Variants in PCDHAC2 observed in about 807,000 individuals in gnomAD.
PCDHAC2 encodes protocadherin alpha subfamily C, 2.
In PCDHAC2, 24 loss-of-function variants were observed where a neutral mutation model predicts 63.3. The observed-to-expected ratio is 0.38, with a 90% confidence interval of 0.27 to 0.53. The LOEUF is 0.53. Among genes scored for constraint, PCDHAC2 ranks in the 20% least tolerant of loss-of-function variants. PCDHAC2 has a pLI of 0.81. For synonymous variants in PCDHAC2, 569 were observed against 529.4 expected (o/e 1.07, Z -1.03); for missense variants, 1,181 against 1,275.2 (o/e 0.93, Z 1.12).
In PCDHAC2 at chr5:141,011,632, C is replaced by T. The variant is rs1333162247; in HGVS notation, c.*1695C>T. Reference sequence around the variant, plus strand: ...TTTATGGTCCAGCCAAGAGCCATCTCGTGCCAAGACTTCTGCTGGCAAGGG... The same window carrying T: ...TTTATGGTCCAGCCAAGAGCCATCTTGTGCCAAGACTTCTGCTGGCAAGGG... On this transcript the variant is annotated 3_prime_UTR_variant, in exon 4 of 4. Transcript: ENST00000289269. The T allele has an allele frequency of 1.3e-5, 2 of 153,656 alleles. No homozygotes were observed. The highest frequency in any genetic ancestry group is 4.8e-5 in the African/African-American group (2 of 41,412). 9.5% of individuals were successfully genotyped at this position (153,656 alleles called of 1,614,324 possible).
chr5:140,985,813 CA>C lies in PCDHAC2; in HGVS notation c.2713+3251del, dbSNP rs527803363. 8.2e-5 allele frequency among the ~76,000 whole-genome samples: 12 copies of C among 146,604 alleles called. No homozygotes were observed. In the East Asian group the frequency reaches 2.3e-3, roughly 28 times the overall value. ...GGAGTGCAGTGGCACGATCTCAGCT[CA>C]CAACAAGCTCTGCCTCCCGGGTTCA... On this transcript the variant is annotated intron_variant, in intron 3 of 3. Transcript: ENST00000289269.
At chr5:140,972,001 A>G (rs2096512667) in intron 1 of PCDHAC2, among the ~76,000 whole-genome samples, 1 of 152,202 alleles carries the variant, frequency 6.6e-6, no homozygotes, top group African/African-American at 2.4e-5. Context: ...CAATGTTTAT[A>G]TTCCCTTTTA....
At chr5:141,002,757 A>G (rs1234528731) in intron 3 of PCDHAC2, among the ~76,000 whole-genome samples, 1 of 152,224 alleles carries the variant, frequency 6.6e-6, no homozygotes, top group African/African-American at 2.4e-5. Context: ...CAACCCTGTG[A>G]TGTAGACAGG....
rs562721543 is a variant in PCDHAC2, at chr5:140,968,426, A to G, written c.1660A>G (p.Lys554Glu). ...CTTTGTGACTGTGGAGGCTCAGGAC[A>G]AGGGGAGCCCACCACTGAGCAGCAC... ...EFFVTVEAQD[K>E]GSPPLSSTVT... The change falls in exon 1 of 4, where the codon AAG becomes GAG. Residue 554 changes from lysine to glutamate, a missense_variant. By Grantham distance (56) the Lys-to-Glu change is moderately conservative (BLOSUM62 1). This residue lies in a region of PCDHAC2 where 968 missense variants were observed against 1,073.5 expected (regional missense o/e 0.90). Transcript: ENST00000289269. 135 of 1,614,020 alleles carry G rather than the reference A, an allele frequency of 8.4e-5. 2 individuals carry two copies. In the South Asian group the frequency reaches 1.4e-3, roughly 16 times the overall value.
intron 3 of PCDHAC2, among the ~76,000 whole-genome samples, chr5:140,982,824 GGTTT>G (rs74513655): frequency 0.037 from 5,640 of 152,044 alleles, 162 homozygotes; most frequent in Non-Finnish European, 0.055. Flanking sequence ...AAGTTTTTGG[GGTTT>G]GTTTGTTTGT....
chr5:140,980,091 T>A (rs2096876102), intron 2 of PCDHAC2, among the ~76,000 whole-genome samples: 1 of 152,218 alleles, frequency 6.6e-6, no homozygotes, highest in Non-Finnish European at 1.5e-5. Flanking sequence ...GTAGTTGGCT[T>A]GGTAAGATGT....
intron 1 of PCDHAC2, among the ~76,000 whole-genome samples, chr5:140,977,308 A>G (rs2096754925): frequency 6.6e-6 from 1 of 152,230 alleles, no homozygotes; most frequent in South Asian, 2.1e-4. Context: ...CAAGCTAACG[A>G]TAGTGCTCCT....
At chr5:140,978,913 T>C in intron 1 of PCDHAC2, 36 bp from the exon 2 acceptor site, 1 of 1,613,902 alleles carries the variant, frequency 6.2e-7, no homozygotes, top group Non-Finnish European at 8.5e-7. Flanking sequence ...CATTGTCTTG[T>C]CATTTTAACA....
chr5:140,999,215 C>A (rs1290752092), intron 3 of PCDHAC2, among the ~76,000 whole-genome samples: 1 of 152,140 alleles, frequency 6.6e-6, no homozygotes, highest in East Asian at 1.9e-4. Context: ...TCTGGAAGTA[C>A]TACATTTGAG....
chr5:141,006,206 A>AT (rs1178693799), intron 3 of PCDHAC2, among the ~76,000 whole-genome samples: 16 of 147,954 alleles, frequency 1.1e-4, no homozygotes, highest in East Asian at 5.9e-4. Context: ...GTTATGCCTC[A>AT]TTTTTTTTTA....
intron 3 of PCDHAC2, among the ~76,000 whole-genome samples, chr5:140,999,070 T>A (rs930538088): frequency 6.1e-4 from 93 of 152,328 alleles, no homozygotes; most frequent in African/African-American, 2.1e-3. Context: ...GTAGTCTCCT[T>A]CACTTCCTCC....
Position 140,967,903 on chromosome 5 carries a change from A to C in PCDHAC2, c.1137A>C (p.Thr379=). 1 of 1,614,112 alleles carries C rather than the reference A, an allele frequency of 6.2e-7. No individual in the cohort carries two copies. Among genetic ancestry groups the C allele is most frequent in the Non-Finnish European group, 8.5e-7 (1 of 1,180,012 alleles). The change falls in exon 1 of 4, where the codon ACA becomes ACC. Residue 379 remains threonine (T), a synonymous_variant. Transcript: ENST00000289269. ...DLYSPVPENA[T]PNTIVAVLSV... is the part of the protein sequence containing the mutation. ...ATAGCCCAGTGCCTGAGAATGCTAC[A>C]CCCAACACCATTGTGGCCGTTCTCA...
rs1326063829 is a variant in PCDHAC2 at position 140,966,476 on chromosome 5, C to T, written c.-291C>T. ...CCCCCTCTGTCTTCCCTTCTGTTTC[C>T]TTTTCCCTCCCCCTGGAGCTGTAGC... On this transcript the variant is annotated 5_prime_UTR_variant, in exon 1 of 4. Transcript: ENST00000289269. 1.8e-5 allele frequency: 8 copies of T among 432,854 alleles called. No individual in the cohort carries two copies. Among genetic ancestry groups the T allele is most frequent in the Non-Finnish European group, 2.8e-5 (7 of 249,678 alleles). 26.8% of individuals were successfully genotyped at this position (432,854 alleles called of 1,614,324 possible).
At chr5:140,984,824 C>A (rs920985683) in intron 3 of PCDHAC2, among the ~76,000 whole-genome samples, 1 of 152,098 alleles carries the variant, frequency 6.6e-6, no homozygotes, top group Non-Finnish European at 1.5e-5. Context: ...TCTTAATTAC[C>A]CTTTCTGTAA....
At chr5:140,978,301 C>T (rs1554239160) in intron 1 of PCDHAC2, among the ~76,000 whole-genome samples, 1 of 152,168 alleles carries the variant, frequency 6.6e-6, no homozygotes, top group Admixed American at 6.5e-5. Flanking sequence ...GGAAAGCACT[C>T]AGGAAGGAGC....
chr5:141,009,686 A>G lies in PCDHAC2; in HGVS notation c.2773A>G (p.Thr925Ala). Residue 925 changes from threonine to alanine, a missense_variant, in exon 4 of 4, where the codon ACC becomes GCC. Thr to Ala is a moderately conservative substitution (Grantham distance 58). Around this residue, in one of 3 missense-constraint regions of PCDHAC2, gnomAD observed 968 missense variants for 1,073.5 expected, o/e 0.90. Coordinates refer to ENST00000289269, the MANE Select transcript of PCDHAC2 (RefSeq NM_018899.6). ...VGAGVNSNSW[T>A]FKYGPGNPKQ... ...TGCGGGTGTCAACAGCAACAGCTGG[A>G]CCTTTAAATACGGACCAGGCAACCC... is the stretch of plus-strand genomic sequence containing the variant. The G allele has an allele frequency of 6.2e-7, 1 of 1,613,998 alleles. No homozygotes were observed. The highest frequency in any genetic ancestry group is 8.5e-7 in the Non-Finnish European group (1 of 1,179,996).
intron 3 of PCDHAC2, among the ~76,000 whole-genome samples, chr5:141,001,711 A>G (rs1167965864): frequency 1.3e-5 from 2 of 152,222 alleles, no homozygotes; most frequent in South Asian, 2.1e-4. Context: ...GGGGGCGGGG[A>G]AGGAGCTTGA....
intron 3 of PCDHAC2, among the ~76,000 whole-genome samples, chr5:140,986,776 C>T (rs916981139): frequency 2.6e-5 from 4 of 152,098 alleles, no homozygotes; most frequent in Non-Finnish European, 4.4e-5. Flanking sequence ...AATTAGGTAG[C>T]GGAAGCCACT....
chr5:140,980,978 C>T (rs1482749121), intron 2 of PCDHAC2, among the ~76,000 whole-genome samples: 1 of 152,032 alleles, frequency 6.6e-6, no homozygotes, highest in South Asian at 2.1e-4. Flanking sequence ...TCTGACTGAG[C>T]CCACACAATT....
Sources: gnomAD v4.1 joint callset for allele counts (sites outside exome capture counted in the v4.1 genomes callset) on GRCh38, gnomAD v4.1.1 for gene constraint, gnomAD v4.1.1 regional missense constraint, MANE v1.5 for transcripts, NCBI Gene and HGNC (gene_info 2026-07-23, HGNC 2026-07-21) for gene names.